GIPC2: variants seen among roughly 807,000 people sequenced by gnomAD.
GIPC2 encodes PDZ domain-containing protein GIPC2.
GIPC2 carries 30 observed loss-of-function variants against 30.6 expected under a neutral mutation model. The ratio of observed to expected loss-of-function variants is 0.98; its 90% CI spans 0.73 to 1.33. The LOEUF (loss-of-function observed/expected upper bound fraction) is 1.33, where lower values mean the gene tolerates loss of function less well. Ranked by LOEUF, GIPC2 falls within the 40% of genes most tolerant of loss-of-function variation. The pLI is 0.00. For missense variants in GIPC2, 414 were observed against 390.3 expected (o/e 1.06, Z -0.51); for synonymous variants, 167 against 150.0 (o/e 1.11, Z -0.83).
chr1:78,091,834 G>A (rs1557539514), intron 2 of GIPC2: 1 of 777,396 alleles, frequency 1.3e-6, no homozygotes, highest in Non-Finnish European at 2.4e-6. Context: ...ATAGAAGGAT[G>A]TCTCGGAAGG....
chr1:78,114,949 A>G (rs1662540909), intron 3 of GIPC2, among the ~76,000 whole-genome samples: 1 of 152,304 alleles, frequency 6.6e-6, no homozygotes, highest in African/African-American at 2.4e-5. Context: ...TTTTGCTCTG[A>G]ACCTAAAACT....
rs1448331477 is a variant in GIPC2 at position 78,131,147 on chromosome 1, TTTC to T, written c.797-4442_797-4440del. On this transcript the variant is annotated intron_variant, in intron 5 of 5. Transcript: ENST00000370759. Reference sequence around the variant, plus strand: ...ATTTACTATTTTTTAAATCTATTTTTTTCTTTTTTTCTCATGTGTTTCTAAACA... The same window carrying T: ...ATTTACTATTTTTTAAATCTATTTTTTTTTTTTCTCATGTGTTTCTAAACA... 8.1e-3 allele frequency among the ~76,000 whole-genome samples: 736 copies of T among 90,474 alleles called. 8 individuals carry two copies. Among genetic ancestry groups the T allele is most frequent in the African/African-American group, 0.027 (696 of 26,090 alleles). The allele number at this position is 90,474 out of a possible 152,430, so 59.4% of individuals were successfully genotyped here.
At chr1:78,062,144 A>G (rs1661405647) in intron 1 of GIPC2, among the ~76,000 whole-genome samples, 1 of 152,242 alleles carries the variant, frequency 6.6e-6, no homozygotes, top group African/African-American at 2.4e-5. Flanking sequence ...AGGGATACAC[A>G]GTAACAAAGT....
At chr1:78,076,853 C>T (rs1661725868) in intron 1 of GIPC2, among the ~76,000 whole-genome samples, 1 of 152,198 alleles carries the variant, frequency 6.6e-6, no homozygotes, top group Admixed American at 6.5e-5. Context: ...ACTGTAACCT[C>T]TGCCTCCTGG....
At chr1:78,054,754 AGCTGCCTTATAGACCTCATT>A (rs1235921331) in intron 1 of GIPC2, among the ~76,000 whole-genome samples, 4 of 152,234 alleles carry the variant, frequency 2.6e-5, no homozygotes, top group Admixed American at 1.3e-4. Flanking sequence ...GAATCCAACC[AGCTGCCTTATAGACCTCATT>A]GCTGTCAGGA....
chr1:78,048,444 T>G (rs1003541058), intron 1 of GIPC2, among the ~76,000 whole-genome samples: 1 of 151,828 alleles, frequency 6.6e-6, no homozygotes, highest in Non-Finnish European at 1.5e-5. Flanking sequence ...TTTTTTTTAA[T>G]GAGATGGGGT....
intron 2 of GIPC2, among the ~76,000 whole-genome samples, chr1:78,083,896 G>A (rs1661878003): frequency 6.6e-6 from 1 of 152,144 alleles, no homozygotes; most frequent in Admixed American, 6.5e-5. Flanking sequence ...GACCCATCTT[G>A]TATCTCCTTT....
At position 78,046,341 on chromosome 1, in the gene GIPC2, C is replaced by A; in HGVS notation, c.240+7C>A. The A allele has an allele frequency of 6.2e-7, 1 of 1,606,284 alleles. No homozygotes were observed. The highest frequency in any genetic ancestry group is 2.2e-5 in the East Asian group (1 of 44,496). On this transcript the variant is annotated splice_region_variant and intron_variant, in intron 1 of 5. Transcript: ENST00000370759. The stretch of plus-strand genomic sequence containing the variant: ...TGAAATCTCGCCGTCGGAGGTAAGG[C>A]GCCAGGTGCTCAGGCTCTCCCGCCT...
chr1:78,072,622 C>T (rs1261943258), intron 1 of GIPC2, among the ~76,000 whole-genome samples: 3 of 151,826 alleles, frequency 2.0e-5, no homozygotes, highest in African/African-American at 7.3e-5. Flanking sequence ...ACTTTAAGGA[C>T]AGTAATTTAG....
chr1:78,095,979 G>T lies in GIPC2; in HGVS notation c.607+847G>T, dbSNP rs568374752. ...AATAATGGAAGAATGCAGTGGATCT[G>T]GGGAATTATGTTTTCTGTGTCTTAG... is the stretch of plus-strand genomic sequence containing the variant. On this transcript the variant is annotated intron_variant, in intron 3 of 5. Transcript: ENST00000370759. 2.0e-5 allele frequency among the ~76,000 whole-genome samples: 3 copies of T among 152,270 alleles called. No individual in the cohort carries two copies. In the South Asian group the frequency reaches 6.2e-4, roughly 32 times the overall value.
chr1:78,091,989 T>G (rs1571501928), intron 2 of GIPC2: 8 of 1,388,808 alleles, frequency 5.8e-6, no homozygotes, highest in Non-Finnish European at 8.2e-6. Context: ...AACCCCACAG[T>G]GAACTACATT....
In GIPC2 at chr1:78,101,267, C is replaced by T. The variant is rs556488267; in HGVS notation, c.607+6135C>T. On this transcript the variant is annotated intron_variant, in intron 3 of 5. Transcript: ENST00000370759. ...TGTCCCACGAGCAGATGTTCCATTG[C>T]ACTTTCCCAAGTTGGCTGTGGGGCT... 2.6e-5 allele frequency among the ~76,000 whole-genome samples: 4 copies of T among 152,232 alleles called. No individual in the cohort carries two copies. The East Asian group carries it at 7.7e-4, about 29-fold the overall frequency.
intron 3 of GIPC2, among the ~76,000 whole-genome samples, chr1:78,111,765 A>G (rs890272180): frequency 6.6e-6 from 1 of 152,246 alleles, no homozygotes; most frequent in African/African-American, 2.4e-5. Flanking sequence ...TTGAGTACTT[A>G]AAACTATGCT....
chr1:78,059,250 C>G lies in GIPC2; in HGVS notation c.240+12916C>G, dbSNP rs376534690. ...CATTGGTAGATTGTGTGTTTGGGAGCCACTGAATTAAATGAAGAGATCCAA... is the reference window on the plus strand; with the variant it reads ...CATTGGTAGATTGTGTGTTTGGGAGGCACTGAATTAAATGAAGAGATCCAA... On this transcript the variant is annotated intron_variant, in intron 1 of 5. Transcript: ENST00000370759. Among the ~76,000 whole-genome samples the G allele has an allele frequency of 3.2e-4, 48 of 152,314 alleles. No homozygotes were observed. In the East Asian group the frequency reaches 8.7e-3, roughly 28 times the overall value.
intron 3 of GIPC2, among the ~76,000 whole-genome samples, chr1:78,107,824 C>CAA (rs35134592): frequency 0.056 from 1,626 of 29,002 alleles, 133 homozygotes; most frequent in Non-Finnish European, 0.067. Flanking sequence ...AACTCTGTCT[C>CAA]AAAAAAAAAA....
intron 1 of GIPC2, among the ~76,000 whole-genome samples, chr1:78,065,134 A>C: frequency 6.6e-6 from 1 of 152,130 alleles, no homozygotes; most frequent in Admixed American, 6.6e-5. Flanking sequence ...CACCACACCC[A>C]GCTAATTTAA....
intron 5 of GIPC2, among the ~76,000 whole-genome samples, chr1:78,135,380 C>G (rs1026699888): frequency 6.6e-6 from 1 of 152,128 alleles, no homozygotes; most frequent in Non-Finnish European, 1.5e-5. Context: ...AACCTGGGTT[C>G]AGTGGACACA....
intron 1 of GIPC2, among the ~76,000 whole-genome samples, chr1:78,068,554 C>T (rs1459778344): frequency 6.6e-6 from 1 of 152,116 alleles, no homozygotes; most frequent in African/African-American, 2.4e-5. Context: ...TTCAAACCAA[C>T]CCAGATGCTT....
intron 3 of GIPC2, chr1:78,112,426 G>A: frequency 1.9e-6 from 1 of 518,892 alleles, no homozygotes; most frequent in South Asian, 1.4e-5. Context: ...GCATCTTTGG[G>A]CTATTTCTTG....
Sources: gnomAD v4.1 joint callset for allele counts (sites outside exome capture counted in the v4.1 genomes callset) on GRCh38, gnomAD v4.1.1 for gene constraint, MANE v1.5 for transcripts, NCBI Gene and HGNC (gene_info 2026-07-23, HGNC 2026-07-21) for gene names.